ANKS1B: variants seen among roughly 807,000 people sequenced by gnomAD.
ANKS1B encodes ankyrin repeat and sterile alpha motif domain containing 1B, also known as ankyrin repeat and sterile alpha motif domain-containing protein 1B.
In ANKS1B, 36 loss-of-function variants were observed where a neutral mutation model predicts 148.3. The ratio of observed to expected loss-of-function variants is 0.24; its 90% confidence interval spans 0.19 to 0.32. The LOEUF (loss-of-function observed/expected upper bound fraction) is 0.32, where lower values mean the gene tolerates loss of function less well. ANKS1B is among the 10% of genes least tolerant of loss of function. ANKS1B has a pLI of 1.00. For missense variants in ANKS1B, 1,157 were observed against 1,542.6 expected (o/e 0.75, Z 4.19); for synonymous variants, 542 against 560.8 (o/e 0.97, Z 0.47).
chr12:99,490,027 C>T (rs1279538818), intron 10 of ANKS1B, among the ~76,000 whole-genome samples: 1 of 152,174 alleles, frequency 6.6e-6, no homozygotes, highest in African/African-American at 2.4e-5. Flanking sequence ...TTTGAACCTT[C>T]TTGAATCCCA....
intron 12 of ANKS1B, among the ~76,000 whole-genome samples, chr12:99,315,986 C>A (rs895873826): frequency 2.0e-5 from 3 of 152,122 alleles, no homozygotes; most frequent in South Asian, 2.1e-4. Flanking sequence ...CATGTCCCTA[C>A]AAAGGACATG....
At chr12:99,844,851 C>T (rs577220788) in intron 1 of ANKS1B, among the ~76,000 whole-genome samples, 2 of 152,180 alleles carry the variant, frequency 1.3e-5, no homozygotes, top group South Asian at 4.1e-4. Context: ...CATATTAATT[C>T]TTCCTTTCCA....
intron 9 of ANKS1B, among the ~76,000 whole-genome samples, chr12:99,508,091 C>T (rs986680238): frequency 1.3e-5 from 2 of 151,706 alleles, no homozygotes; most frequent in Admixed American, 1.3e-4. Context: ...GTATCAAATG[C>T]TCTAGTTCTT....
intron 15 of ANKS1B, among the ~76,000 whole-genome samples, chr12:99,148,386 C>T (rs1278155186): frequency 6.6e-6 from 1 of 151,466 alleles, no homozygotes; most frequent in East Asian, 1.9e-4. Context: ...GAAAAGGCTC[C>T]TTTTTAACAC....
chr12:98,893,368 A>G (rs1340464723), intron 17 of ANKS1B, among the ~76,000 whole-genome samples: 1 of 152,202 alleles, frequency 6.6e-6, no homozygotes, highest in African/African-American at 2.4e-5. Flanking sequence ...CCCTTGCACG[A>G]GCTCATCTGC....
At chr12:99,789,275 G>A (rs886926053) in intron 4 of ANKS1B, among the ~76,000 whole-genome samples, 2 of 152,166 alleles carry the variant, frequency 1.3e-5, no homozygotes, top group African/African-American at 4.8e-5. Flanking sequence ...ACCTCTATGA[G>A]TCTGCAAAAA....
intron 2 of ANKS1B, among the ~76,000 whole-genome samples, chr12:99,814,030 C>G (rs1400285019): frequency 6.6e-6 from 1 of 151,640 alleles, no homozygotes; most frequent in Non-Finnish European, 1.5e-5. Flanking sequence ...TAAATACTTT[C>G]TGTATCTATT....
Position 99,984,771 on chromosome 12 carries a change from G to A in ANKS1B, c.-534C>T, listed in dbSNP as rs2095754409. The A allele has an allele frequency of 6.7e-6, 1 of 148,450 alleles. No individual in the cohort carries two copies. Among genetic ancestry groups the A allele is most frequent in the Non-Finnish European group, 1.5e-5 (1 of 66,754 alleles). The allele number at this position is 148,450 out of a possible 1,614,324, so 9.2% of individuals were successfully genotyped here. Reference sequence around the variant, plus strand: ...CCGCGGCGGGGAGGAGCGCGGCGGCGGCGGCGGCGGCTCGTGCGCTGTGGC... The same window carrying A: ...CCGCGGCGGGGAGGAGCGCGGCGGCAGCGGCGGCGGCTCGTGCGCTGTGGC... On this transcript the variant is annotated 5_prime_UTR_variant, in exon 1 of 27. Coordinates refer to ENST00000683438, the MANE Select transcript of ANKS1B (RefSeq NM_001352186.2).
chr12:99,654,971 A>G, intron 9 of ANKS1B, 96 bp downstream of exon 9: 1 of 1,340,058 alleles, frequency 7.5e-7, no homozygotes, highest in Non-Finnish European at 1.0e-6. Context: ...AGTGAACAAG[A>G]TCCTAATTTG....
At chr12:99,812,719 A>T (rs2068589426) in intron 2 of ANKS1B, among the ~76,000 whole-genome samples, 2 of 151,646 alleles carry the variant, frequency 1.3e-5, no homozygotes, top group Admixed American at 6.6e-5. Context: ...TTAAAAAAAG[A>T]GCTCTTTCCA....
rs139125804 is a variant in ANKS1B, at chr12:99,130,237, T to C, written c.2526+24052A>G. Among the ~76,000 whole-genome samples the C allele has an allele frequency of 5.3e-3, 811 of 152,316 alleles. 5 individuals carry two copies. The highest frequency in any genetic ancestry group is 0.019 in the African/African-American group (779 of 41,572). On this transcript the variant is annotated intron_variant, in intron 15 of 26. Transcript: ENST00000683438. ...TCCACTTTTATTTCTTAACATATGA[T>C]TTTGTTTTGTGAAACATGAAAGATG...
chr12:99,446,896 T>G (rs1316494140), intron 10 of ANKS1B, among the ~76,000 whole-genome samples: 2 of 152,064 alleles, frequency 1.3e-5, no homozygotes, highest in Non-Finnish European at 2.9e-5. Context: ...AGACCCAAGC[T>G]AGAGGTCATG....
At chr12:99,525,837 A>G (rs2096921629) in intron 9 of ANKS1B, among the ~76,000 whole-genome samples, 1 of 152,252 alleles carries the variant, frequency 6.6e-6, no homozygotes, top group Non-Finnish European at 1.5e-5. Flanking sequence ...AAATTTGAAT[A>G]TATACTACTA....
chr12:99,594,256 G>GT (rs2097734004), intron 9 of ANKS1B, among the ~76,000 whole-genome samples: 1 of 152,038 alleles, frequency 6.6e-6, no homozygotes, highest in Non-Finnish European at 1.5e-5. Flanking sequence ...GTGTACTGTT[G>GT]TAAGAATGCA....
chr12:99,096,828 G>A (rs1443236286), intron 15 of ANKS1B, among the ~76,000 whole-genome samples: 2 of 152,164 alleles, frequency 1.3e-5, no homozygotes, highest in Non-Finnish European at 1.5e-5. Context: ...TCAAGTTAAA[G>A]GTTCTGAGTT....
At position 98,982,769 on chromosome 12, in the gene ANKS1B, AT is replaced by A. The variant is rs374685606; in HGVS notation, c.2778+70387del. Among the ~76,000 whole-genome samples the A allele has an allele frequency of 8.1e-4, 124 of 152,280 alleles. 1 individual carries two copies. The highest frequency in any genetic ancestry group is 2.9e-3 in the African/African-American group (122 of 41,548). ...TATTTTCATCACTGTATGGAATTCT[AT>A]TGTATGAATATACATAATTCATTTT... On this transcript the variant is annotated intron_variant, in intron 17 of 26. Transcript: ENST00000683438.
intron 17 of ANKS1B, among the ~76,000 whole-genome samples, chr12:98,934,525 G>T (rs994182339): frequency 6.6e-5 from 10 of 152,120 alleles, no homozygotes; most frequent in Admixed American, 1.3e-4. Flanking sequence ...AACTTTGATA[G>T]GAATTGCATT....
At chr12:99,088,502 T>C (rs2052759404) in intron 15 of ANKS1B, among the ~76,000 whole-genome samples, 1 of 152,206 alleles carries the variant, frequency 6.6e-6, no homozygotes, top group African/African-American at 2.4e-5. Flanking sequence ...TTTCAGAATT[T>C]GTAACCTAAA....
At chr12:98,833,894 G>C (rs1326252573) in intron 17 of ANKS1B, among the ~76,000 whole-genome samples, 1 of 152,132 alleles carries the variant, frequency 6.6e-6, no homozygotes, top group East Asian at 1.9e-4. Flanking sequence ...ATGGCCTTCA[G>C]CTGCATCCAT....
Sources: allele counts gnomAD v4.1 joint callset (sites outside exome capture counted in the v4.1 genomes callset), GRCh38; gene constraint gnomAD v4.1.1; transcripts MANE v1.5; gene names NCBI Gene and HGNC (gene_info 2026-07-23, HGNC 2026-07-21).